ZNF710: variants seen among roughly 807,000 people sequenced by gnomAD.
ZNF710 encodes the protein zinc finger protein 710.
In ZNF710, 13 loss-of-function variants were observed where a neutral mutation model predicts 50.6. The ratio of observed to expected loss-of-function variants is 0.26; its 90% CI spans 0.17 to 0.41. The LOEUF is 0.41. ZNF710 is among the 10% of genes least tolerant of loss of function. ZNF710 has a pLI of 1.00. For missense variants in ZNF710, 721 were observed against 936.6 expected, an observed-to-expected ratio of 0.77 and a Z score of 3.01; for synonymous variants, 383 against 397.0, an observed-to-expected ratio of 0.96 and a Z score of 0.42.
At chr15:90,064,786 G>A (rs906170791) in intron 1 of ZNF710, among the ~76,000 whole-genome samples, 11 of 152,160 alleles carry the variant, frequency 7.2e-5, no homozygotes, top group Middle Eastern at 6.3e-3. Flanking sequence ...CCATGCCCCT[G>A]CCAACAGTGA....
At chr15:90,069,381 C>T (rs927266899) in intron 2 of ZNF710, among the ~76,000 whole-genome samples, 4 of 151,790 alleles carry the variant, frequency 2.6e-5, no homozygotes, top group African/African-American at 9.7e-5. Context: ...GCACTTCAGC[C>T]TGGGCAACCA....
At chr15:90,066,474 A>AT (rs71461840) in intron 1 of ZNF710, among the ~76,000 whole-genome samples, 8,273 of 120,366 alleles carry the variant, frequency 0.069, 480 homozygotes, top group East Asian at 0.14. Flanking sequence ...ATTTTTAAGG[A>AT]TTTTTTTTTT....
intron 1 of ZNF710, among the ~76,000 whole-genome samples, chr15:90,046,855 G>C (rs112386788): frequency 1.3e-5 from 2 of 152,130 alleles, no homozygotes; most frequent in African/African-American, 4.8e-5. Context: ...GGACGTTTGG[G>C]ATTTATGCTC....
chr15:90,072,947 GAC>G, intron 2 of ZNF710, 122 bp from the exon 3 acceptor site: 1 of 1,014,098 alleles, frequency 9.9e-7, no homozygotes, highest in Admixed American at 2.8e-5. Context: ...CTCAAAAAGA[GAC>G]ATTTCCCAGA....
intron 1 of ZNF710, among the ~76,000 whole-genome samples, chr15:90,008,756 G>C (rs1425955231): frequency 6.7e-6 from 1 of 150,356 alleles, no homozygotes. Context: ...ACTCCAGCCT[G>C]AAAACCCTGT....
intron 1 of ZNF710, among the ~76,000 whole-genome samples, chr15:90,035,409 C>A (rs142965789): frequency 1.8e-4 from 28 of 152,350 alleles, no homozygotes; most frequent in Non-Finnish European, 2.9e-4. Flanking sequence ...GTTGCCCCTG[C>A]TGCCTGTGCA....
At chr15:90,044,506 C>T (rs535358358) in intron 1 of ZNF710, among the ~76,000 whole-genome samples, 202 of 152,296 alleles carry the variant, frequency 1.3e-3, no homozygotes, top group African/African-American at 4.6e-3. Context: ...ATAAGGGGCC[C>T]GCCACCTTGG....
chr15:90,079,623 G>A (rs1259012817), intron 4 of ZNF710, 37 bp from the exon 5 acceptor site: 2 of 1,599,490 alleles, frequency 1.3e-6, no homozygotes, highest in African/African-American at 2.7e-5. Context: ...CCTCCCGAGA[G>A]ATGGCAGCCA....
Position 90,067,629 on chromosome 15 carries a change from C to T in ZNF710, c.492C>T (p.Phe164=), listed in dbSNP as rs1331690589. The T allele has an allele frequency of 2.5e-6, 4 of 1,612,076 alleles. No individual in the cohort carries two copies. The highest frequency in any genetic ancestry group is 3.4e-6 in the Non-Finnish European group (4 of 1,179,338). ...TCAAGATGATCGACCTCAGCGCCTT[C>T]AGCCGCAAGCCCCGGACGCTCCGGC... ...SAVKMIDLSA[F]SRKPRTLRHL... is the part of the protein sequence containing the mutation. The change falls in exon 2 of 5, where the codon TTC becomes TTT. Residue 164 remains phenylalanine, a synonymous_variant. Coordinates refer to ENST00000268154, the MANE Select transcript of ZNF710 (RefSeq NM_198526.4). The surrounding 1 kb of genome is among the most constrained non-coding windows in gnomAD (Gnocchi z 8.1).
At chr15:90,021,995 T>A (rs1898637981) in intron 1 of ZNF710, among the ~76,000 whole-genome samples, 2 of 151,964 alleles carry the variant, frequency 1.3e-5, no homozygotes, top group Admixed American at 6.5e-5. Flanking sequence ...GGCAGGAGAA[T>A]CGCTTGAACC....
chr15:90,065,553 G>A (rs983061493), intron 1 of ZNF710, among the ~76,000 whole-genome samples: 3 of 152,146 alleles, frequency 2.0e-5, no homozygotes, highest in African/African-American at 7.3e-5. Flanking sequence ...CTCGGAGGCT[G>A]GTGGGAGGAG....
At chr15:90,069,245 A>C (rs1430136741) in intron 2 of ZNF710, among the ~76,000 whole-genome samples, 1 of 151,524 alleles carries the variant, frequency 6.6e-6, no homozygotes, top group Non-Finnish European at 1.5e-5. Flanking sequence ...AAAAAAAAAA[A>C]AAAAATTTAA....
intron 1 of ZNF710, among the ~76,000 whole-genome samples, chr15:90,033,517 C>T (rs1001587490): frequency 8.5e-5 from 13 of 152,318 alleles, no homozygotes; most frequent in African/African-American, 2.4e-4. Context: ...GGCTACTCCA[C>T]GTTGAGCCTT....
At chr15:90,077,348 A>G (rs1333015117) in intron 4 of ZNF710, among the ~76,000 whole-genome samples, 2 of 142,674 alleles carry the variant, frequency 1.4e-5, no homozygotes, top group Non-Finnish European at 3.0e-5. Context: ...GGTTCACGCC[A>G]TTCTCCTGCC....
chr15:90,078,790 G>A (rs548708864), intron 4 of ZNF710, among the ~76,000 whole-genome samples: 104 of 152,340 alleles, frequency 6.8e-4, no homozygotes, highest in African/African-American at 2.4e-3. Context: ...GCTGCCCCCA[G>A]CCTGGGGTCT....
intron 1 of ZNF710, among the ~76,000 whole-genome samples, chr15:90,024,006 A>AT (rs1898698884): frequency 6.6e-6 from 1 of 151,964 alleles, no homozygotes; most frequent in Non-Finnish European, 1.5e-5. Flanking sequence ...AAAAAAAAAA[A>AT]GCATGCTTGA....
At chr15:90,039,484 C>T (rs1899234649) in intron 1 of ZNF710, among the ~76,000 whole-genome samples, 2 of 152,154 alleles carry the variant, frequency 1.3e-5, no homozygotes, top group South Asian at 4.1e-4. Context: ...AGTCTTGCCC[C>T]ACGACTGGAT....
At chr15:90,046,860 A>G (rs1404188214) in intron 1 of ZNF710, among the ~76,000 whole-genome samples, 1 of 152,130 alleles carries the variant, frequency 6.6e-6, no homozygotes, top group African/African-American at 2.4e-5. Flanking sequence ...TTTGGGATTT[A>G]TGCTCCAGGA....
chr15:90,014,014 T>G (rs1170071361), intron 1 of ZNF710, among the ~76,000 whole-genome samples: 1 of 151,984 alleles, frequency 6.6e-6, no homozygotes, highest in Non-Finnish European at 1.5e-5. Flanking sequence ...AGTTGTTTCA[T>G]AGATATTTAT....
Sources: allele counts gnomAD v4.1 joint callset (sites outside exome capture counted in the v4.1 genomes callset), GRCh38; gene constraint gnomAD v4.1.1; non-coding constraint Gnocchi (gnomAD v3.1); transcripts MANE v1.5; gene names NCBI Gene and HGNC (gene_info 2026-07-23, HGNC 2026-07-21).